The following CFAP54 variants were observed in gnomAD, a reference collection of about 807,000 sequenced individuals.
CFAP54 encodes the protein cilia and flagella associated protein 54.
A neutral mutation model predicts 370.4 loss-of-function variants in CFAP54; 290 were observed. The observed-to-expected ratio is 0.78, with a 90% CI of 0.71 to 0.86. CFAP54 has a LOEUF of 0.86. CFAP54 is among the 40% of genes least tolerant of loss of function. The pLI, the probability that CFAP54 is intolerant of heterozygous loss-of-function variation, is 0.00. For synonymous variants in CFAP54, 1,206 were observed against 1,236.5 expected, an observed-to-expected ratio of 0.98 and a Z score of 0.52; for missense variants, 3,399 against 3,528.7, an observed-to-expected ratio of 0.96 and a Z score of 0.93.
rs1417176332 is a variant in CFAP54, at chr12:96,721,125, A to AT, written c.6965+567dup. On this transcript the variant is annotated intron_variant, in intron 50 of 67. Coordinates refer to ENST00000524981, the MANE Select transcript of CFAP54 (RefSeq NM_001306084.2). ...GAATGAACAAATTAACAATGCTTTG[A>AT]TTTTTTTATACATTTAATTTACTTT... 5.9e-5 allele frequency among the ~76,000 whole-genome samples: 9 copies of AT among 152,260 alleles called. No individual in the cohort carries two copies. The South Asian group carries it at 8.3e-4, about 14-fold the overall frequency.
intron 66 of CFAP54, among the ~76,000 whole-genome samples, chr12:96,847,078 C>G (rs1393729084): frequency 2.0e-5 from 3 of 152,156 alleles, no homozygotes; most frequent in Non-Finnish European, 4.4e-5. Flanking sequence ...TGCCAGGACC[C>G]TCCCCTCAGA....
At position 96,743,768 on chromosome 12, in the gene CFAP54, C is replaced by A. The variant is rs1475408891; in HGVS notation, c.7415C>A (p.Ser2472Tyr). ...TTGCTGGAAGGAAATGAATTTATTT[C>A]TCCTCAATCACGGCTAACCCTGGCA... ...IHLLEGNEFI[S>Y]PQSRLTLARS... The change falls in exon 54 of 68, where the codon TCT (serine) becomes TAT (tyrosine). Residue 2472 changes from serine (S) to tyrosine (Y), a missense_variant. Physicochemically the swap from Ser to Tyr is moderately radical, Grantham distance 144. Around this residue, in one of 3 missense-constraint regions of CFAP54, gnomAD observed 2,796 missense variants for 2,869.7 expected, o/e 0.97. Coordinates refer to ENST00000524981, the MANE Select transcript of CFAP54 (RefSeq NM_001306084.2). The A allele has an allele frequency of 6.2e-7, 1 of 1,610,850 alleles. No individual in the cohort carries two copies. Among genetic ancestry groups the A allele is most frequent in the Non-Finnish European group, 8.5e-7 (1 of 1,179,038 alleles).
chr12:96,745,780 G>C (rs112318413), intron 55 of CFAP54, among the ~76,000 whole-genome samples: 5 of 152,140 alleles, frequency 3.3e-5, no homozygotes, highest in African/African-American at 1.2e-4. Flanking sequence ...AAAAGTTTAA[G>C]AAATAAACTT....
intron 27 of CFAP54, among the ~76,000 whole-genome samples, chr12:96,622,246 C>T (rs560783390): frequency 3.3e-5 from 5 of 151,990 alleles, no homozygotes; most frequent in Non-Finnish European, 5.9e-5. Flanking sequence ...AGAACTTATG[C>T]TTATTGCCTT....
At chr12:96,621,547 C>T (rs1400219134) in intron 26 of CFAP54, 43 bp from the exon 27 acceptor site, 3 of 1,312,926 alleles carry the variant, frequency 2.3e-6, no homozygotes, top group South Asian at 3.6e-5. Flanking sequence ...TGAAAATAGA[C>T]AAGAATGTCC....
chr12:96,749,535 C>T (rs1305789167), intron 55 of CFAP54, among the ~76,000 whole-genome samples: 3 of 152,160 alleles, frequency 2.0e-5, no homozygotes, highest in Non-Finnish European at 4.4e-5. Flanking sequence ...TGAGTGTTGA[C>T]TATTATTATT....
intron 5 of CFAP54, among the ~76,000 whole-genome samples, chr12:96,514,843 A>G (rs574570636): frequency 1.3e-5 from 2 of 152,264 alleles, no homozygotes; most frequent in South Asian, 2.1e-4. Flanking sequence ...TTATTAGGAG[A>G]TAAATCTTCA....
intron 25 of CFAP54, among the ~76,000 whole-genome samples, chr12:96,595,146 C>G (rs1435422855): frequency 6.6e-6 from 1 of 152,144 alleles, no homozygotes; most frequent in Non-Finnish European, 1.5e-5. Flanking sequence ...ATAGGAGGTC[C>G]TTAGCTCCTA....
chr12:96,731,041 T>C (rs1957914251), intron 50 of CFAP54, among the ~76,000 whole-genome samples: 1 of 152,200 alleles, frequency 6.6e-6, no homozygotes, highest in South Asian at 2.1e-4. Context: ...GTCAGAACCA[T>C]ATTAATAAAA....
chr12:96,502,009 C>T (rs1955033885), intron 2 of CFAP54, among the ~76,000 whole-genome samples: 1 of 152,136 alleles, frequency 6.6e-6, no homozygotes, highest in Admixed American at 6.6e-5. Context: ...CCCTTTCCAT[C>T]CTTACACTTT....
chr12:96,664,779 A>ATATCTATATC (rs1565934497), intron 39 of CFAP54, among the ~76,000 whole-genome samples: 61 of 13,830 alleles, frequency 4.4e-3, no homozygotes, highest in Non-Finnish European at 8.0e-3. Context: ...ATCTATATCT[A>ATATCTATATC]TATATATATA....
chr12:96,846,446 G>C (rs1268076699), intron 66 of CFAP54, among the ~76,000 whole-genome samples: 1 of 152,108 alleles, frequency 6.6e-6, no homozygotes, highest in Non-Finnish European at 1.5e-5. Context: ...CCCTTTATTA[G>C]CTCTTTACAG....
At chr12:96,824,448 C>T (rs1316728919) in intron 65 of CFAP54, among the ~76,000 whole-genome samples, 1 of 152,108 alleles carries the variant, frequency 6.6e-6, no homozygotes, top group East Asian at 1.9e-4. Context: ...TTTCATGGCT[C>T]TTAATGAAAT....
intron 24 of CFAP54, among the ~76,000 whole-genome samples, chr12:96,593,886 GT>G (rs1592869425): frequency 6.6e-6 from 1 of 151,776 alleles, no homozygotes; most frequent in African/African-American, 2.4e-5. Context: ...AAAATTTACC[GT>G]TTTCTTTCAA....
chr12:96,578,713 C>A (rs926424778), intron 20 of CFAP54, among the ~76,000 whole-genome samples: 3 of 152,290 alleles, frequency 2.0e-5, no homozygotes, highest in African/African-American at 7.2e-5. Context: ...GTTACCTTCT[C>A]ATCAGCACTA....
At chr12:96,745,256 TCAC>T (rs1449135204) in intron 55 of CFAP54, among the ~76,000 whole-genome samples, 1 of 152,208 alleles carries the variant, frequency 6.6e-6, no homozygotes, top group Non-Finnish European at 1.5e-5. Flanking sequence ...CTTTGAGGAA[TCAC>T]CACACTGTCT....
intron 1 of CFAP54, among the ~76,000 whole-genome samples, chr12:96,493,545 C>T (rs1232974776): frequency 7.2e-5 from 11 of 152,178 alleles, no homozygotes; most frequent in Non-Finnish European, 1.2e-4. Flanking sequence ...CGGTGGCTCA[C>T]GCCTGCAATC....
At chr12:96,593,446 A>G (rs1956146371) in intron 24 of CFAP54, among the ~76,000 whole-genome samples, 1 of 152,152 alleles carries the variant, frequency 6.6e-6, no homozygotes, top group South Asian at 2.1e-4. Context: ...TAAAAGTGGA[A>G]AAAATGATTC....
intron 56 of CFAP54, among the ~76,000 whole-genome samples, chr12:96,755,513 A>G (rs970817035): frequency 1.3e-5 from 2 of 152,108 alleles, no homozygotes; most frequent in Non-Finnish European, 2.9e-5. Flanking sequence ...CAGTTAAGTG[A>G]GATCACGCAA....
Sources: allele counts gnomAD v4.1 joint callset (sites outside exome capture counted in the v4.1 genomes callset), GRCh38; gene constraint gnomAD v4.1.1; regional missense constraint gnomAD v4.1.1; transcripts MANE v1.5; gene names NCBI Gene and HGNC (gene_info 2026-07-23, HGNC 2026-07-21).